ST18: variants seen among roughly 807,000 people sequenced by gnomAD.
The protein encoded by ST18 is suppression of tumorigenicity 18 protein.
A neutral mutation model predicts 110.0 loss-of-function variants in ST18; 50 were observed. That is an observed-to-expected ratio of 0.45 (90% CI 0.36 to 0.58). The LOEUF (loss-of-function observed/expected upper bound fraction) is 0.58. Ranked by LOEUF, ST18 falls within the 20% of genes least tolerant of loss-of-function variation. The pLI, the probability that ST18 is intolerant of heterozygous loss-of-function variation, is 0.00. For synonymous variants in ST18, 461 were observed against 452.4 expected, an observed-to-expected ratio of 1.02 and a Z score of -0.24; for missense variants, 1,306 against 1,280.1, an observed-to-expected ratio of 1.02 and a Z score of -0.31.
intron 2 of ST18, among the ~76,000 whole-genome samples, chr8:52,378,688 T>C (rs1207807694): frequency 3.3e-5 from 5 of 152,254 alleles, no homozygotes; most frequent in African/African-American, 1.2e-4. Context: ...ACTTCACCTC[T>C]GACTGGTTTC....
Position 52,212,071 on chromosome 8 carries a change from A to G in ST18, c.86+8T>C. On this transcript the variant is annotated splice_region_variant and intron_variant, in intron 8 of 25. Coordinates refer to ENST00000689386, the MANE Select transcript of ST18 (RefSeq NM_001352837.2). ...TGTGAAAAAAAAGTAATATAGGGTAAATCTTACCTGAGCTCCTGGATTAGT... is the reference window on the plus strand; with the variant it reads ...TGTGAAAAAAAAGTAATATAGGGTAGATCTTACCTGAGCTCCTGGATTAGT... 6.2e-7 allele frequency: 1 copy of G among 1,605,806 alleles called. No individual in the cohort carries two copies. Among genetic ancestry groups the G allele is most frequent in the Non-Finnish European group, 8.5e-7 (1 of 1,178,194 alleles).
In ST18 at chr8:52,341,196, T is replaced by C. The variant is rs143897612; in HGVS notation, c.-465+68132A>G. ...CTTAAAAAAGTTAAAGTTTTGTGTT[T>C]TGTTTTTGTTTTTGTTTTTGCTTTT... is the stretch of plus-strand genomic sequence containing the variant. On this transcript the variant is annotated intron_variant, in intron 2 of 25. Transcript: ENST00000689386. 9.4e-3 allele frequency among the ~76,000 whole-genome samples: 1,434 copies of C among 152,284 alleles called. 5 individuals are homozygous for C. Among genetic ancestry groups the C allele is most frequent in the Non-Finnish European group, 0.015 (1,023 of 68,034 alleles).
At chr8:52,278,241 A>G (rs2095311453) in intron 2 of ST18, among the ~76,000 whole-genome samples, 1 of 152,252 alleles carries the variant, frequency 6.6e-6, no homozygotes, top group East Asian at 1.9e-4. Flanking sequence ...GTTCTGGGAA[A>G]GAGCTTTCTT....
intron 2 of ST18, among the ~76,000 whole-genome samples, chr8:52,355,258 C>T (rs552652942): frequency 6.6e-6 from 1 of 152,190 alleles, no homozygotes; most frequent in Non-Finnish European, 1.5e-5. Flanking sequence ...GGAGCCAGTG[C>T]CCTTATCTAT....
intron 16 of ST18, among the ~76,000 whole-genome samples, chr8:52,146,730 T>C (rs2057411820): frequency 6.6e-6 from 1 of 152,188 alleles, no homozygotes; most frequent in Non-Finnish European, 1.5e-5. Flanking sequence ...TACCAAACAT[T>C]ACATTTTTCA....
At chr8:52,368,664 A>T (rs1182556816) in intron 2 of ST18, among the ~76,000 whole-genome samples, 1 of 152,242 alleles carries the variant, frequency 6.6e-6, no homozygotes, top group Non-Finnish European at 1.5e-5. Context: ...TGGCGGCCAC[A>T]TCATTCCTTA....
chr8:52,267,753 C>A (rs6987920), intron 2 of ST18, among the ~76,000 whole-genome samples: 8,596 of 152,236 alleles, frequency 0.056, 822 homozygotes, highest in African/African-American at 0.2. Context: ...GGTATTCTCT[C>A]AACACACTTC....
intron 2 of ST18, among the ~76,000 whole-genome samples, chr8:52,331,097 A>C (rs1473550039): frequency 6.6e-6 from 1 of 151,990 alleles, no homozygotes; most frequent in African/African-American, 2.4e-5. Context: ...CAATTAACTG[A>C]CTTTATTGAC....
chr8:52,209,182 T>C (rs965752166), intron 8 of ST18, among the ~76,000 whole-genome samples: 5 of 152,218 alleles, frequency 3.3e-5, no homozygotes, highest in African/African-American at 1.2e-4. Context: ...GTTAAAAATA[T>C]AGACTGTGAG....
rs1293380437 is a variant in ST18 at position 52,280,249 on chromosome 8, T to G, written c.-464-50172A>C. ...AAGAAAAAGCAGAGCAAAGAGAAAT[T>G]ACCAGATATCATGGCAAAAATAAAT... On this transcript the variant is annotated intron_variant, in intron 2 of 25. Coordinates refer to ENST00000689386, the MANE Select transcript of ST18 (RefSeq NM_001352837.2). 6.6e-5 allele frequency among the ~76,000 whole-genome samples: 10 copies of G among 151,966 alleles called. 1 individual carries two copies. The highest frequency in any genetic ancestry group is 5.2e-4 in the Admixed American group (8 of 15,260).
At chr8:52,221,370 T>A (rs2086680831) in intron 4 of ST18, among the ~76,000 whole-genome samples, 1 of 152,152 alleles carries the variant, frequency 6.6e-6, no homozygotes, top group African/African-American at 2.4e-5. Context: ...TGCTAATGTT[T>A]TAAGTTGTCG....
intron 2 of ST18, among the ~76,000 whole-genome samples, chr8:52,253,883 G>A (rs1409584011): frequency 6.6e-6 from 1 of 152,096 alleles, no homozygotes; most frequent in Non-Finnish European, 1.5e-5. Flanking sequence ...CAGTATAAAT[G>A]TAATTGCACC....
intron 22 of ST18, among the ~76,000 whole-genome samples, chr8:52,131,008 T>G (rs2131491661): frequency 6.6e-6 from 1 of 152,318 alleles, no homozygotes; most frequent in South Asian, 2.1e-4. Context: ...TTGAAAACCA[T>G]CAAAAAATAA....
chr8:52,283,573 T>A (rs978971383), intron 2 of ST18, among the ~76,000 whole-genome samples: 26 of 152,124 alleles, frequency 1.7e-4, no homozygotes, highest in Admixed American at 1.6e-3. Context: ...TGGTGGAGGT[T>A]CAGGGAAAGG....
In ST18 at chr8:52,260,806, C is replaced by T. The variant is rs115112335; in HGVS notation, c.-464-30729G>A. Among the ~76,000 whole-genome samples, 500 of 152,196 alleles carry T rather than the reference C, an allele frequency of 3.3e-3. 4 individuals carry two copies. The highest frequency in any genetic ancestry group is 0.011 in the African/African-American group (476 of 41,508). The stretch of plus-strand genomic sequence containing the variant: ...AGGCAAGTAAGGCTTATAATGATTC[C>T]GCTTAGAAAAAACCCCACATTTCCT... On this transcript the variant is annotated intron_variant, in intron 2 of 25. Transcript: ENST00000689386.
At chr8:52,199,372 T>TGCTG in intron 8 of ST18, 1 of 152,440 alleles carries the variant, frequency 6.6e-6, no homozygotes, top group South Asian at 2.1e-4. Flanking sequence ...TTGGCCCTCA[T>TGCTG]GCTGGCTGGC....
intron 2 of ST18, among the ~76,000 whole-genome samples, chr8:52,365,738 C>G (rs1023791939): frequency 1.3e-5 from 2 of 151,834 alleles, no homozygotes; most frequent in African/African-American, 4.8e-5. Flanking sequence ...GCTGTGTTAC[C>G]CAAGCTAGAA....
chr8:52,115,147 C>A (rs1276462717), intron 25 of ST18, among the ~76,000 whole-genome samples: 1 of 152,096 alleles, frequency 6.6e-6, no homozygotes, highest in Non-Finnish European at 1.5e-5. Context: ...ATAAGAACTC[C>A]ATGCTAGGAA....
chr8:52,213,310 T>C (rs943832908), intron 7 of ST18, among the ~76,000 whole-genome samples: 1 of 152,206 alleles, frequency 6.6e-6, no homozygotes, highest in Admixed American at 6.5e-5. Context: ...AGGCATTAAC[T>C]ATCTTGACTA....
Sources: gnomAD v4.1 joint callset for allele counts (sites outside exome capture counted in the v4.1 genomes callset) on GRCh38, gnomAD v4.1.1 for gene constraint, MANE v1.5 for transcripts, NCBI Gene and HGNC (gene_info 2026-07-23, HGNC 2026-07-21) for gene names.